Variants in VPS13D observed in about 807,000 individuals in gnomAD.
VPS13D encodes intermembrane lipid transfer protein VPS13D.
VPS13D carries 187 observed loss-of-function variants against 461.9 expected under a neutral mutation model. The ratio of observed to expected loss-of-function variants is 0.40; its 90% confidence interval spans 0.36 to 0.46. The LOEUF (loss-of-function observed/expected upper bound fraction) is 0.46. Ranked by LOEUF, VPS13D falls within the 20% of genes least tolerant of loss-of-function variation. The pLI, the probability that VPS13D is intolerant of heterozygous loss-of-function variation, is 0.60. For synonymous variants in VPS13D, 1,951 were observed against 1,986.3 expected (o/e 0.98, Z 0.47); for missense variants, 4,711 against 5,364.9 (o/e 0.88, Z 3.81).
chr1:12,340,610 G>A (rs1193870990), intron 40 of VPS13D, among the ~76,000 whole-genome samples: 1 of 152,248 alleles, frequency 6.6e-6, no homozygotes, highest in Non-Finnish European at 1.5e-5. Context: ...AAGATGTCCT[G>A]TAGGATGAAT....
chr1:12,256,377 C>T lies in VPS13D; in HGVS notation c.714C>T (p.Val238=). 6.2e-7 allele frequency: 1 copy of T among 1,614,092 alleles called. No individual in the cohort carries two copies. Among genetic ancestry groups the T allele is most frequent in the East Asian group, 2.2e-5 (1 of 44,886 alleles). Residue 238 remains valine, a synonymous_variant, in exon 8 of 70, where the codon GTC becomes GTT. Transcript: ENST00000620676. The stretch of plus-strand genomic sequence containing the variant: ...TGGAGAGTCGCAGCCATCACTACGT[C>T]CTGGAGCCTGTGTTTGCATCTGCTC... ...RSMESRSHHY[V]LEPVFASALL...
At chr1:12,448,403 A>G (rs1181746792) in intron 65 of VPS13D, among the ~76,000 whole-genome samples, 1 of 152,174 alleles carries the variant, frequency 6.6e-6, no homozygotes, top group East Asian at 1.9e-4. Flanking sequence ...GTGGGAAGGC[A>G]TATTCCCCAT....
At chr1:12,404,088 A>G (rs1190921515) in intron 63 of VPS13D, 115 bp downstream of exon 63, 9 of 812,984 alleles carry the variant, frequency 1.1e-5, no homozygotes, top group Admixed American at 3.5e-5. Flanking sequence ...TTTGTCCCTC[A>G]TCATCATTCA....
At chr1:12,286,418 C>T (rs948705008) in intron 21 of VPS13D, among the ~76,000 whole-genome samples, 3 of 152,192 alleles carry the variant, frequency 2.0e-5, no homozygotes, top group African/African-American at 7.2e-5. Context: ...AGGTAAGGTT[C>T]CATGTTACAT....
At chr1:12,359,257 AG>A (rs1643916649) in intron 50 of VPS13D, among the ~76,000 whole-genome samples, 1 of 152,236 alleles carries the variant, frequency 6.6e-6, no homozygotes, top group African/African-American at 2.4e-5. Flanking sequence ...AATATGAATC[AG>A]GGTGAAAATT....
intron 65 of VPS13D, among the ~76,000 whole-genome samples, chr1:12,417,553 A>G (rs1466888915): frequency 2.6e-5 from 4 of 152,182 alleles, no homozygotes; most frequent in Admixed American, 2.6e-4. Flanking sequence ...ATTTGGAGGA[A>G]ACACCTGTAC....
chr1:12,371,155 C>A (rs554755571), intron 54 of VPS13D, among the ~76,000 whole-genome samples: 72 of 152,138 alleles, frequency 4.7e-4, no homozygotes, highest in Non-Finnish European at 8.8e-4. Context: ...CTTCGTAGTT[C>A]AGAGCATTTT....
intron 67 of VPS13D, among the ~76,000 whole-genome samples, chr1:12,496,856 GCCAGGTCCAGGTCCAGGTCCAGGT>G (rs544192024): frequency 3.3e-5 from 5 of 152,024 alleles, no homozygotes; most frequent in Admixed American, 1.3e-4. Flanking sequence ...TGTGGCCTGG[GCCAGGTCCAGGTCCAGGTCCAGGT>G]CCAGGTCCAG....
intron 21 of VPS13D, among the ~76,000 whole-genome samples, chr1:12,285,015 G>C (rs1641918600): frequency 6.6e-6 from 1 of 152,186 alleles, no homozygotes. Flanking sequence ...GAACTCTTTG[G>C]TGTTGAATAT....
chr1:12,406,835 C>T (rs1387988504), intron 63 of VPS13D, among the ~76,000 whole-genome samples: 3 of 152,052 alleles, frequency 2.0e-5, no homozygotes, highest in Non-Finnish European at 4.4e-5. Context: ...ATGAGGTGGC[C>T]TACAGCAGTC....
At chr1:12,456,253 C>T (rs1645325433) in intron 66 of VPS13D, 123 bp downstream of exon 66, 10 of 1,398,386 alleles carry the variant, frequency 7.2e-6, no homozygotes, top group Non-Finnish European at 9.4e-6. Context: ...CTTGTAATCC[C>T]AGCATTTTGG....
intron 66 of VPS13D, among the ~76,000 whole-genome samples, chr1:12,458,368 A>G (rs1645357320): frequency 6.6e-6 from 1 of 152,114 alleles, no homozygotes; most frequent in African/African-American, 2.4e-5. Flanking sequence ...CCCAGTCTGA[A>G]TTCCTGTTCT....
intron 63 of VPS13D, among the ~76,000 whole-genome samples, chr1:12,413,330 A>G (rs1054216925): frequency 6.6e-6 from 1 of 152,016 alleles, no homozygotes. Context: ...TAAAAAAAAA[A>G]AAAATCAGCT....
intron 65 of VPS13D, among the ~76,000 whole-genome samples, chr1:12,433,439 G>A (rs908008253): frequency 2.6e-5 from 4 of 152,314 alleles, no homozygotes; most frequent in Admixed American, 2.6e-4. Context: ...CACAGCTGAA[G>A]TGTTTTGTCA....
rs1011519464 is a variant in VPS13D, at chr1:12,257,917, C to T, written c.942-18C>T. Reference sequence around the variant, plus strand: ...CTTTTGTTGTAAGAAGTGATTACATCGTTATGGACTATTTCAGCTGCCGAG... The same window carrying T: ...CTTTTGTTGTAAGAAGTGATTACATTGTTATGGACTATTTCAGCTGCCGAG... On this transcript the variant is annotated intron_variant, in intron 9 of 69. Transcript: ENST00000620676. 3.1e-6 allele frequency: 5 copies of T among 1,613,222 alleles called. No homozygotes were observed. Among genetic ancestry groups the T allele is most frequent in the East Asian group, 2.2e-5 (1 of 44,864 alleles).
In VPS13D at chr1:12,285,829, T is replaced by C. The variant is rs367813739; in HGVS notation, c.5634+2093T>C. 3.0e-4 allele frequency among the ~76,000 whole-genome samples: 46 copies of C among 152,360 alleles called. 3 individuals carry two copies. The highest frequency in any genetic ancestry group is 2.1e-3 in the Admixed American group (32 of 15,306). ...AGAAACTTCTTGTCTTTCTATTCTG[T>C]TGGTCTCTATAATTCAGTAGAATAC... On this transcript the variant is annotated intron_variant, in intron 21 of 69. Transcript: ENST00000620676.
intron 66 of VPS13D, among the ~76,000 whole-genome samples, chr1:12,456,757 G>C (rs777989854): frequency 6.6e-6 from 1 of 151,962 alleles, no homozygotes; most frequent in Non-Finnish European, 1.5e-5. Context: ...TACGACAGCC[G>C]GTGAGAACTC....
intron 64 of VPS13D, among the ~76,000 whole-genome samples, chr1:12,416,331 T>A (rs1041053787): frequency 2.6e-5 from 4 of 152,310 alleles, no homozygotes; most frequent in African/African-American, 9.6e-5. Flanking sequence ...ACTTCTCTAT[T>A]TGTAGGCATG....
intron 69 of VPS13D, 142 bp from the exon 70 acceptor site, chr1:12,508,751 A>T: frequency 1.2e-6 from 1 of 857,246 alleles, no homozygotes; most frequent in Non-Finnish European, 1.7e-6. Context: ...GTGAAGCAGG[A>T]GCAGCCCTGG....
Sources: gnomAD v4.1 joint callset for allele counts (sites outside exome capture counted in the v4.1 genomes callset) on GRCh38, gnomAD v4.1.1 for gene constraint, MANE v1.5 for transcripts, NCBI Gene and HGNC (gene_info 2026-07-23, HGNC 2026-07-21) for gene names.